Variants in GRHPR observed in about 807,000 individuals in gnomAD.
The protein encoded by GRHPR is glyoxylate and hydroxypyruvate reductase.
GRHPR carries 35 observed loss-of-function variants against 36.8 expected under a neutral mutation model. That is an observed-to-expected ratio of 0.95 (90% confidence interval 0.73 to 1.26). The LOEUF (loss-of-function observed/expected upper bound fraction) is 1.26. GRHPR is among the 50% of genes most tolerant of loss of function. GRHPR has a pLI of 0.00. For synonymous variants in GRHPR, 179 were observed against 181.0 expected, an observed-to-expected ratio of 0.99 and a Z score of 0.09; for missense variants, 380 against 435.0, an observed-to-expected ratio of 0.87 and a Z score of 1.12.
Position 37,422,724 on chromosome 9 carries a change from A to T in GRHPR, c.-27A>T. ...TTCCCGGGCCAGCTTCTGTACTGCC[A>T]GGTCCGGGTCGGCGGCTGCACTGCG... On this transcript the variant is annotated 5_prime_UTR_variant, in exon 1 of 9. Coordinates refer to ENST00000318158, the MANE Select transcript of GRHPR (RefSeq NM_012203.2). 6.5e-7 allele frequency: 1 copy of T among 1,535,956 alleles called. No individual in the cohort carries two copies. The highest frequency in any genetic ancestry group is 8.8e-7 in the Non-Finnish European group (1 of 1,130,218).
chr9:37,435,258 T>C (rs757883335), intron 8 of GRHPR, among the ~76,000 whole-genome samples: 4 of 152,058 alleles, frequency 2.6e-5, no homozygotes, highest in African/African-American at 4.8e-5. Flanking sequence ...CAAAAACTCT[T>C]CTCTACTAGA....
At chr9:37,434,288 G>T (rs763252512) in intron 8 of GRHPR, 1 of 454,516 alleles carries the variant, frequency 2.2e-6, no homozygotes, top group Non-Finnish European at 3.9e-6. Context: ...GGGGGAGCAC[G>T]GATTGAGGCT....
chr9:37,430,376 C>T (rs755601023), intron 6 of GRHPR, 135 bp from the exon 7 acceptor site: 1 of 780,586 alleles, frequency 1.3e-6, no homozygotes, highest in South Asian at 1.4e-5. Context: ...TGAGAGTTGT[C>T]CAGGTAGAGA....
At chr9:37,427,196 A>T (rs993269715) in intron 4 of GRHPR, among the ~76,000 whole-genome samples, 8 of 152,252 alleles carry the variant, frequency 5.3e-5, no homozygotes, top group Admixed American at 3.9e-4. Context: ...TGGCAGGGAG[A>T]GTGTGGATCA....
chr9:37,430,891 GCA>G, intron 7 of GRHPR: 1 of 613,614 alleles, frequency 1.6e-6, no homozygotes, highest in East Asian at 3.6e-5. Flanking sequence ...GCGGGGCCTG[GCA>G]CACAGCAGCG....
Position 37,426,740 on chromosome 9 carries a change from G to C in GRHPR, c.404+86G>C, listed in dbSNP as rs1201665743. On this transcript the variant is annotated intron_variant, in intron 4 of 8. Coordinates refer to ENST00000318158, the MANE Select transcript of GRHPR (RefSeq NM_012203.2). ...CAAAGTGAGCGGATCATGAGGTTAG[G>C]AGTTCGAGACCAGTCTGGCCAACAT... The C allele has an allele frequency of 3.8e-6, 3 of 795,654 alleles. No homozygotes were observed. In the East Asian group the frequency reaches 7.5e-5, roughly 20 times the overall value. 49.3% of individuals were successfully genotyped at this position (795,654 alleles called of 1,614,324 possible). A position where few individuals can be genotyped will look rare whatever the true frequency, so the allele number is the denominator to read the frequency against.
At chr9:37,430,815 G>A (rs761677449) in intron 7 of GRHPR, 169 bp downstream of exon 7, 9 of 718,496 alleles carry the variant, frequency 1.3e-5, no homozygotes, top group African/African-American at 8.7e-5. Context: ...CGAGACCTCC[G>A]TACAGGGAAG....
Position 37,432,383 on chromosome 9 carries a change from T to TA in GRHPR, c.865+254dup, listed in dbSNP as rs200317084. 9.9e-4 allele frequency: 428 copies of TA among 432,024 alleles called. 1 individual carries two copies. Among genetic ancestry groups the TA allele is most frequent in the African/African-American group, 3.5e-3 (173 of 49,148 alleles). The allele number at this position is 432,024 out of a possible 1,614,324, so 26.8% of individuals were successfully genotyped here. A position where few individuals can be genotyped will look rare whatever the true frequency, so the allele number is the denominator to read the frequency against. ...GAATGTAGGTGTGAGTGGATTTGTT[T>TA]AAAAAAAAAGAGTGGGCCAGGCGTG... On this transcript the variant is annotated intron_variant, in intron 8 of 8. Transcript: ENST00000318158.
chr9:37,425,049 T>A, intron 2 of GRHPR, 74 bp downstream of exon 2: 1 of 1,460,908 alleles, frequency 6.8e-7, no homozygotes, highest in Non-Finnish European at 9.5e-7. Context: ...TGCTGGCTCC[T>A]GGCTGCTCTG....
At chr9:37,436,200 C>G (rs1289502626) in intron 8 of GRHPR, among the ~76,000 whole-genome samples, 3 of 152,178 alleles carry the variant, frequency 2.0e-5, no homozygotes, top group East Asian at 3.8e-4. Flanking sequence ...CCTCTGCCTC[C>G]CAGGCCCAAA....
In GRHPR at chr9:37,436,979, A is replaced by G; in HGVS notation, c.*197A>G. On this transcript the variant is annotated 3_prime_UTR_variant, in exon 9 of 9. Coordinates refer to ENST00000318158, the MANE Select transcript of GRHPR (RefSeq NM_012203.2). ...AAGTATGGTAATTCTATTATTAAAT[A>G]ATTCTCTGAGAGACCGTCTTGGCCT... 1.7e-6 allele frequency: 1 copy of G among 584,728 alleles called. No homozygotes were observed. The highest frequency in any genetic ancestry group is 3.1e-6 in the Non-Finnish European group (1 of 326,808). The allele number at this position is 584,728 out of a possible 1,614,324, so 36.2% of individuals were successfully genotyped here.
intron 8 of GRHPR, among the ~76,000 whole-genome samples, chr9:37,436,343 CAA>C (rs1468480171): frequency 2.6e-5 from 4 of 152,190 alleles, no homozygotes; most frequent in African/African-American, 9.7e-5. Flanking sequence ...CTCCTCAGCT[CAA>C]GTTATCTGCC....
At chr9:37,434,470 C>G in intron 8 of GRHPR, 1 of 580,980 alleles carries the variant, frequency 1.7e-6, no homozygotes, top group Non-Finnish European at 3.1e-6. Context: ...GCAGAAATAC[C>G]CAGATCTTTG....
At chr9:37,430,172 C>T in intron 6 of GRHPR, 3 of 529,710 alleles carry the variant, frequency 5.7e-6, no homozygotes. Context: ...CATAAACTGG[C>T]AAGCACTACC....
chr9:37,427,837 CCA>C (rs1491285295), intron 4 of GRHPR: 49 of 137,474 alleles, frequency 3.6e-4, no homozygotes, highest in African/African-American at 1.4e-3. Flanking sequence ...GACCCTGTCT[CCA>C]AAAAAAAAAA....
At position 37,426,688 on chromosome 9, in the gene GRHPR, G is replaced by A. The variant is rs374741301; in HGVS notation, c.404+34G>A. The A allele has an allele frequency of 2.7e-4, 337 of 1,251,102 alleles. 1 individual carries two copies. The highest frequency in any genetic ancestry group is 3.7e-4 in the Non-Finnish European group (316 of 849,274). 77.5% of individuals were successfully genotyped at this position (1,251,102 alleles called of 1,614,324 possible). ...ACGCAGACCAGGTGCGGTGGCTCAC[G>A]GCTGTAATCCCAGCACTTTGGGAGG... On this transcript the variant is annotated intron_variant, in intron 4 of 8. Transcript: ENST00000318158.
At chr9:37,423,380 T>C (rs771562179) in intron 1 of GRHPR, among the ~76,000 whole-genome samples, 5 of 151,664 alleles carry the variant, frequency 3.3e-5, no homozygotes, top group Non-Finnish European at 7.4e-5. Context: ...ACTCTGTTGC[T>C]CAGGCTGGTC....
At chr9:37,429,498 A>C in intron 5 of GRHPR, 1 of 584,814 alleles carries the variant, frequency 1.7e-6, no homozygotes, top group Non-Finnish European at 3.1e-6. Flanking sequence ...AGCCAGTCAC[A>C]GCCTCAGGGG....
chr9:37,425,894 T>A, intron 2 of GRHPR, 28 bp from the exon 3 acceptor site: 1 of 1,544,384 alleles, frequency 6.5e-7, no homozygotes, highest in South Asian at 1.1e-5. Context: ...CGAGGAAAGA[T>A]ACTAACAATG....
Sources: allele counts gnomAD v4.1 joint callset (sites outside exome capture counted in the v4.1 genomes callset), GRCh38; gene constraint gnomAD v4.1.1; transcripts MANE v1.5; gene names NCBI Gene and HGNC (gene_info 2026-07-23, HGNC 2026-07-21).